DLG2: variants seen among roughly 807,000 people sequenced by gnomAD.
DLG2 encodes the protein discs large MAGUK scaffold protein 2, also known as disks large homolog 2.
Under a neutral mutation model 132.5 loss-of-function variants are expected in DLG2, and 45 were observed. The observed-to-expected ratio is 0.34, with a 90% CI of 0.27 to 0.44. DLG2 has a LOEUF of 0.44. Among genes scored for constraint, DLG2 ranks in the 20% least tolerant of loss-of-function variants. DLG2 has a pLI of 1.00. For missense variants in DLG2, 1,045 were observed against 1,196.9 expected, an observed-to-expected ratio of 0.87 and a Z score of 1.87; for synonymous variants, 424 against 419.6, an observed-to-expected ratio of 1.01 and a Z score of -0.13.
intron 7 of DLG2, among the ~76,000 whole-genome samples, chr11:84,421,898 A>T (rs967746517): frequency 2.6e-5 from 4 of 152,212 alleles, no homozygotes; most frequent in Non-Finnish European, 4.4e-5. Flanking sequence ...TCTTATGTTA[A>T]GTATTTTCGA....
chr11:84,016,588 A>G (rs975494392), intron 11 of DLG2, among the ~76,000 whole-genome samples: 8 of 152,122 alleles, frequency 5.3e-5, no homozygotes, highest in Non-Finnish European at 1.2e-4. Context: ...TTCTCCCAGC[A>G]TCATTTATTA....
At chr11:84,142,571 A>C (rs549251694) in intron 9 of DLG2, among the ~76,000 whole-genome samples, 1 of 152,224 alleles carries the variant, frequency 6.6e-6, no homozygotes, top group African/African-American at 2.4e-5. Context: ...GGAATAGATT[A>C]GCATTTGAAT....
intron 15 of DLG2, among the ~76,000 whole-genome samples, chr11:83,922,177 A>G (rs547583564): frequency 3.3e-4 from 51 of 152,334 alleles, no homozygotes; most frequent in African/African-American, 1.2e-3. Flanking sequence ...GAGGGACAAC[A>G]ATGAATGCTG....
chr11:85,267,269 T>G (rs1317730777), intron 4 of DLG2, among the ~76,000 whole-genome samples: 2 of 152,186 alleles, frequency 1.3e-5, no homozygotes, highest in African/African-American at 4.8e-5. Flanking sequence ...AAACAGGGCT[T>G]TTACCAGGAA....
intron 3 of DLG2, among the ~76,000 whole-genome samples, chr11:85,503,852 A>G (rs1237842858): frequency 6.6e-6 from 1 of 152,082 alleles, no homozygotes; most frequent in African/African-American, 2.4e-5. Context: ...GGATCACTTG[A>G]GCCCTGGAGA....
chr11:85,384,331 G>A (rs1338938420), intron 3 of DLG2, among the ~76,000 whole-genome samples: 1 of 152,082 alleles, frequency 6.6e-6, no homozygotes, highest in Non-Finnish European at 1.5e-5. Flanking sequence ...TTGTTTCCCA[G>A]AAATTGACAA....
intron 7 of DLG2, among the ~76,000 whole-genome samples, chr11:84,491,464 A>C (rs1480711780): frequency 2.0e-5 from 3 of 152,152 alleles, no homozygotes; most frequent in Non-Finnish European, 4.4e-5. Context: ...TAAATTGCCC[A>C]GTCTTGGGTA....
intron 18 of DLG2, among the ~76,000 whole-genome samples, chr11:83,770,856 A>G (rs1402734205): frequency 6.6e-6 from 1 of 152,240 alleles, no homozygotes; most frequent in Non-Finnish European, 1.5e-5. Context: ...AAACGAACAA[A>G]TAAGAGATTA....
intron 8 of DLG2, among the ~76,000 whole-genome samples, chr11:84,214,634 G>A (rs1379564448): frequency 6.6e-6 from 1 of 152,028 alleles, no homozygotes; most frequent in East Asian, 1.9e-4. Context: ...AAAAGTATGT[G>A]TCAAATGAAA....
chr11:83,563,625 G>A (rs561994645), intron 19 of DLG2, among the ~76,000 whole-genome samples: 1 of 152,312 alleles, frequency 6.6e-6, no homozygotes, highest in African/African-American at 2.4e-5. Flanking sequence ...CCTCTGCTAA[G>A]TACTTCACAG....
At chr11:83,479,682 G>C (rs1399656390) in intron 22 of DLG2, among the ~76,000 whole-genome samples, 1 of 152,004 alleles carries the variant, frequency 6.6e-6, no homozygotes, top group Non-Finnish European at 1.5e-5. Flanking sequence ...AATGGCTTGA[G>C]GTGACCAAAC....
intron 19 of DLG2, among the ~76,000 whole-genome samples, chr11:83,625,961 T>C (rs770858080): frequency 1.3e-5 from 2 of 152,168 alleles, no homozygotes; most frequent in Non-Finnish European, 2.9e-5. Flanking sequence ...TTCTCTCACA[T>C]TTGTGTAGGA....
chr11:85,015,285 A>T (rs1272596470), intron 6 of DLG2, among the ~76,000 whole-genome samples: 1 of 152,158 alleles, frequency 6.6e-6, no homozygotes, highest in Non-Finnish European at 1.5e-5. Flanking sequence ...TTCTAAACAC[A>T]CTGTCTATTT....
chr11:84,874,512 G>A (rs2086013648), intron 6 of DLG2, among the ~76,000 whole-genome samples: 1 of 152,124 alleles, frequency 6.6e-6, no homozygotes, highest in African/African-American at 2.4e-5. Flanking sequence ...TAAAGGTTAT[G>A]AACTATCTCT....
At position 83,471,690 on chromosome 11, in the gene DLG2, C is replaced by T; in HGVS notation, c.2382G>A (p.Met794Ile). 1 of 1,613,154 alleles carries T rather than the reference C, an allele frequency of 6.2e-7. No homozygotes were observed. The change falls in exon 24 of 28, where the codon ATG becomes ATA. Residue 794 changes from methionine to isoleucine, a missense_variant. By Grantham distance (10) the Met-to-Ile change is conservative (BLOSUM62 1). Transcript: ENST00000376104. Reference protein sequence around the residue: ...YTRPVIILGPMKDRINDDLIS... With the variant: ...YTRPVIILGPIKDRINDDLIS... The stretch of plus-strand genomic sequence containing the variant: ...TCAAGTCGTCATTGATCCGATCCTT[C>T]ATGGGCCCCAGGATAATCACCGGCC...
chr11:85,067,980 C>T (rs151116622), intron 6 of DLG2, among the ~76,000 whole-genome samples: 549 of 152,014 alleles, frequency 3.6e-3, no homozygotes, highest in Non-Finnish European at 6.1e-3. Flanking sequence ...GTCCCTGGGA[C>T]GCAAGGCTGT....
intron 21 of DLG2, chr11:83,486,340 G>T: frequency 3.4e-6 from 2 of 582,998 alleles, no homozygotes; most frequent in South Asian, 4.0e-5. Context: ...CATCACCAAT[G>T]ACTTGTCATG....
intron 3 of DLG2, among the ~76,000 whole-genome samples, chr11:85,464,660 G>C (rs538025568): frequency 6.6e-6 from 1 of 152,144 alleles, no homozygotes; most frequent in South Asian, 2.1e-4. Flanking sequence ...GGGCAGTAAA[G>C]GATTATAGAA....
intron 3 of DLG2, among the ~76,000 whole-genome samples, chr11:85,511,115 C>G (rs1214421472): frequency 6.6e-6 from 1 of 151,906 alleles, no homozygotes; most frequent in African/African-American, 2.4e-5. Context: ...AGCAAACTAT[C>G]GCAAGGACAA....
Sources: gnomAD v4.1 joint callset for allele counts (sites outside exome capture counted in the v4.1 genomes callset) on GRCh38, gnomAD v4.1.1 for gene constraint, MANE v1.5 for transcripts, NCBI Gene and HGNC (gene_info 2026-07-23, HGNC 2026-07-21) for gene names.